ADGRL2: variants seen among roughly 807,000 people sequenced by gnomAD.
ADGRL2 encodes the protein adhesion G protein-coupled receptor L2.
A neutral mutation model predicts 157.4 loss-of-function variants in ADGRL2; 44 were observed. The observed-to-expected ratio is 0.28, with a 90% CI of 0.22 to 0.36. The LOEUF is 0.36. Ranked by LOEUF, ADGRL2 falls within the 10% of genes least tolerant of loss-of-function variation. The pLI is 1.00. For synonymous variants in ADGRL2, 585 were observed against 624.7 expected, an observed-to-expected ratio of 0.94 and a Z score of 0.95; for missense variants, 1,510 against 1,768.9, an observed-to-expected ratio of 0.85 and a Z score of 2.63.
intron 2 of ADGRL2, among the ~76,000 whole-genome samples, chr1:81,534,422 A>G (rs1395249845): frequency 6.6e-6 from 1 of 152,220 alleles, no homozygotes; most frequent in Non-Finnish European, 1.5e-5. Flanking sequence ...TTGGCCTCCC[A>G]AAGTGCTGGG....
chr1:81,327,893 C>T (rs1009574514), intron 1 of ADGRL2, among the ~76,000 whole-genome samples: 28 of 152,106 alleles, frequency 1.8e-4, no homozygotes, highest in African/African-American at 5.3e-4. Flanking sequence ...CCATTAGTTG[C>T]TTCTTGAGCT....
chr1:81,356,072 A>T (rs916982589), intron 1 of ADGRL2, among the ~76,000 whole-genome samples: 1 of 152,162 alleles, frequency 6.6e-6, no homozygotes, highest in Admixed American at 6.5e-5. Flanking sequence ...CTATCGGGTA[A>T]TGATTTGCCA....
chr1:81,555,400 C>T (rs2080250414), intron 2 of ADGRL2, among the ~76,000 whole-genome samples: 1 of 151,466 alleles, frequency 6.6e-6, no homozygotes, highest in Non-Finnish European at 1.5e-5. Flanking sequence ...TCCCAAGTAG[C>T]TGGGATTACA....
At chr1:81,473,128 G>A in intron 2 of ADGRL2, among the ~76,000 whole-genome samples, 1 of 151,986 alleles carries the variant, frequency 6.6e-6, no homozygotes, top group Non-Finnish European at 1.5e-5. Context: ...AGGAGGAGGA[G>A]GTGATGATGG....
intron 3 of ADGRL2, among the ~76,000 whole-genome samples, chr1:81,636,400 T>G (rs1018334502): frequency 2.0e-5 from 3 of 152,112 alleles, no homozygotes; most frequent in African/African-American, 7.2e-5. Context: ...ACATGGGAGA[T>G]TCTCATGGGC....
chr1:81,482,601 C>T (rs576081494), intron 2 of ADGRL2, among the ~76,000 whole-genome samples: 8 of 152,118 alleles, frequency 5.3e-5, no homozygotes, highest in South Asian at 4.2e-4. Context: ...TTTTAACCTG[C>T]GTTTCCATCG....
intron 1 of ADGRL2, among the ~76,000 whole-genome samples, chr1:81,343,669 T>A (rs966377089): frequency 6.6e-6 from 1 of 151,836 alleles, no homozygotes; most frequent in Non-Finnish European, 1.5e-5. Flanking sequence ...TTTCACCATA[T>A]CCTCACAAGA....
At chr1:81,929,509 A>G (rs953861648) in intron 3 of ADGRL2, among the ~76,000 whole-genome samples, 7 of 152,186 alleles carry the variant, frequency 4.6e-5, no homozygotes, top group Non-Finnish European at 8.8e-5. Flanking sequence ...GAACAAGACT[A>G]TTGATTAAAA....
At chr1:81,492,540 A>C (rs1014177659) in intron 2 of ADGRL2, among the ~76,000 whole-genome samples, 1 of 152,228 alleles carries the variant, frequency 6.6e-6, no homozygotes, top group Non-Finnish European at 1.5e-5. Flanking sequence ...GTATGCATAA[A>C]TTAGAAATAC....
chr1:81,699,881 CCCTTTCAAATGTAG>C (rs2083522995), intron 1 of ADGRL2: 1 of 152,208 alleles, frequency 6.6e-6, no homozygotes, highest in Non-Finnish European at 1.5e-5. Flanking sequence ...ACTCCATCTT[CCCTTTCAAATGTAG>C]ATTACTAGGG....
chr1:81,490,502 A>G (rs1240628242), intron 2 of ADGRL2, among the ~76,000 whole-genome samples: 1 of 152,248 alleles, frequency 6.6e-6, no homozygotes, highest in Non-Finnish European at 1.5e-5. Context: ...AAGACTAAAT[A>G]GGCAAGTTAT....
At chr1:81,785,342 AG>A (rs1203846921) in intron 2 of ADGRL2, among the ~76,000 whole-genome samples, 5 of 152,200 alleles carry the variant, frequency 3.3e-5, no homozygotes, top group African/African-American at 1.2e-4. Flanking sequence ...ATGTGCACAG[AG>A]GGTCTTTTCA....
chr1:81,495,896 G>C (rs2078720526), intron 2 of ADGRL2, among the ~76,000 whole-genome samples: 1 of 152,240 alleles, frequency 6.6e-6, no homozygotes, highest in Admixed American at 6.5e-5. Flanking sequence ...TAGTTATTGA[G>C]AGGGTACAAA....
intron 2 of ADGRL2, among the ~76,000 whole-genome samples, chr1:81,862,415 C>CTT: frequency 6.6e-6 from 1 of 152,280 alleles, no homozygotes; most frequent in Middle Eastern, 3.4e-3. Flanking sequence ...CCTATCAACT[C>CTT]TGACAGTTAC....
rs1557607549 is a variant in ADGRL2 at position 81,337,550 on chromosome 1, T to C, written c.-302+31041T>C. Among the ~76,000 whole-genome samples, 4 of 152,352 alleles carry C rather than the reference T, an allele frequency of 2.6e-5. No homozygotes were observed. In the South Asian group the frequency reaches 8.3e-4, roughly 32 times the overall value. On this transcript the variant is annotated intron_variant, in intron 1 of 24. Coordinates refer to the ADGRL2 transcript ENST00000370721. The stretch of plus-strand genomic sequence containing the variant: ...ATTTCCTGTTTCAATTCTAGCATTA[T>C]GAGAGCTCTCAGAGAAATCATCATT...
chr1:81,464,770 T>C (rs2078017692), intron 2 of ADGRL2, among the ~76,000 whole-genome samples: 1 of 152,118 alleles, frequency 6.6e-6, no homozygotes, highest in Admixed American at 6.5e-5. Context: ...TCTTTGCACA[T>C]ACCTCATTAT....
intron 2 of ADGRL2, among the ~76,000 whole-genome samples, chr1:81,578,862 G>T (rs1232441823): frequency 6.6e-6 from 1 of 151,936 alleles, no homozygotes; most frequent in Non-Finnish European, 1.5e-5. Context: ...AGCATAATTT[G>T]GTTTTTTTAA....
chr1:81,316,717 G>A (rs1047715753), intron 1 of ADGRL2, among the ~76,000 whole-genome samples: 1 of 152,262 alleles, frequency 6.6e-6, no homozygotes, highest in Non-Finnish European at 1.5e-5. Context: ...ATGAAAGCTG[G>A]ATGATCATTA....
At chr1:81,894,442 G>A (rs2094338058) in intron 2 of ADGRL2, among the ~76,000 whole-genome samples, 1 of 151,932 alleles carries the variant, frequency 6.6e-6, no homozygotes, top group Non-Finnish European at 1.5e-5. Flanking sequence ...GAGTATTTTT[G>A]TTTCTTTTGT....
Sources: allele counts gnomAD v4.1 joint callset (sites outside exome capture counted in the v4.1 genomes callset), GRCh38; gene constraint gnomAD v4.1.1; transcripts MANE v1.5; gene names NCBI Gene and HGNC (gene_info 2026-07-23, HGNC 2026-07-21).